SLC39A11: variants seen among roughly 807,000 people sequenced by gnomAD.
SLC39A11 encodes zinc transporter ZIP11.
In SLC39A11, 33 loss-of-function variants were observed where a neutral mutation model predicts 36.1. The ratio of observed to expected loss-of-function variants is 0.91; its 90% CI spans 0.69 to 1.22. The LOEUF is 1.22. SLC39A11 is among the 50% of genes most tolerant of loss of function. The pLI is 0.00. For missense variants in SLC39A11, 432 were observed against 430.3 expected, an observed-to-expected ratio of 1.00 and a Z score of -0.03; for synonymous variants, 166 against 170.3, an observed-to-expected ratio of 0.97 and a Z score of 0.20.
At chr17:72,801,324 AAC>A (rs199525357) in intron 6 of SLC39A11, among the ~76,000 whole-genome samples, 4,612 of 152,292 alleles carry the variant, frequency 0.03, 117 homozygotes, top group Non-Finnish European at 0.046. Flanking sequence ...GGGTTCAAGC[AAC>A]TCTCCTGCCT....
At chr17:72,956,202 C>T (rs1284857531) in intron 4 of SLC39A11, among the ~76,000 whole-genome samples, 1 of 152,220 alleles carries the variant, frequency 6.6e-6, no homozygotes, top group African/African-American at 2.4e-5. Context: ...TAATTACGAA[C>T]TTCTAGCTAT....
Position 72,645,998 on chromosome 17 carries a change from T to A in SLC39A11, c.*1586A>T, listed in dbSNP as rs1304442933. The stretch of plus-strand genomic sequence containing the variant: ...TATTAATCACAGTTATGAGGTCTTG[T>A]CCATCAGAAAGCACAATTTGCATTA... On this transcript the variant is annotated 3_prime_UTR_variant, in exon 10 of 10. Coordinates refer to ENST00000255559, the MANE Select transcript of SLC39A11 (RefSeq NM_139177.4). 1 of 152,638 alleles carries A rather than the reference T, an allele frequency of 6.6e-6. No individual in the cohort carries two copies. Among genetic ancestry groups the A allele is most frequent in the African/African-American group, 2.4e-5 (1 of 41,438 alleles). 9.5% of individuals were successfully genotyped at this position (152,638 alleles called of 1,614,324 possible).
intron 6 of SLC39A11, among the ~76,000 whole-genome samples, chr17:72,836,491 C>T (rs1432242453): frequency 6.6e-6 from 1 of 152,088 alleles, no homozygotes; most frequent in East Asian, 1.9e-4. Flanking sequence ...CAATCACGCG[C>T]CACCATACCC....
At chr17:72,833,372 T>G (rs2078369655) in intron 6 of SLC39A11, among the ~76,000 whole-genome samples, 1 of 152,234 alleles carries the variant, frequency 6.6e-6, no homozygotes, top group Admixed American at 6.5e-5. Context: ...ACTTTATCCT[T>G]ATCACAAAGC....
At chr17:72,866,306 C>T (rs1486721348) in intron 5 of SLC39A11, among the ~76,000 whole-genome samples, 1 of 152,128 alleles carries the variant, frequency 6.6e-6, no homozygotes, top group Non-Finnish European at 1.5e-5. Context: ...CTCCCATTAC[C>T]CCCAGATGGG....
intron 6 of SLC39A11, among the ~76,000 whole-genome samples, chr17:72,794,804 C>T (rs908435380): frequency 2.0e-5 from 3 of 152,054 alleles, no homozygotes; most frequent in Non-Finnish European, 4.4e-5. Context: ...TTATCTTTTG[C>T]TGTATAACAA....
At chr17:72,678,031 G>C (rs1214084167) in intron 7 of SLC39A11, among the ~76,000 whole-genome samples, 2 of 152,126 alleles carry the variant, frequency 1.3e-5, no homozygotes, top group African/African-American at 4.8e-5. Context: ...ACAGTCAAAT[G>C]CATTCATCAA....
At chr17:72,764,289 C>G (rs1266153598) in intron 6 of SLC39A11, among the ~76,000 whole-genome samples, 1 of 152,162 alleles carries the variant, frequency 6.6e-6, no homozygotes, top group African/African-American at 2.4e-5. Flanking sequence ...GTGTGCTGCT[C>G]TGTCCCTTGG....
chr17:72,738,049 G>A (rs2074508733), intron 6 of SLC39A11, among the ~76,000 whole-genome samples: 1 of 152,130 alleles, frequency 6.6e-6, no homozygotes, highest in Non-Finnish European at 1.5e-5. Flanking sequence ...CTGTCACCCA[G>A]ACTGGAGTGC....
At chr17:72,993,728 G>A (rs922479500) in intron 4 of SLC39A11, among the ~76,000 whole-genome samples, 14 of 152,140 alleles carry the variant, frequency 9.2e-5, no homozygotes, top group Non-Finnish European at 1.6e-4. Flanking sequence ...TTACCAAAAT[G>A]TTCTGCTGTT....
At chr17:72,987,041 G>A (rs907707326) in intron 4 of SLC39A11, among the ~76,000 whole-genome samples, 3 of 152,176 alleles carry the variant, frequency 2.0e-5, no homozygotes, top group Non-Finnish European at 2.9e-5. Flanking sequence ...TGGGTCACGG[G>A]AGCAGATCCC....
At chr17:72,976,228 T>C (rs2087840941) in intron 4 of SLC39A11, among the ~76,000 whole-genome samples, 1 of 146,472 alleles carries the variant, frequency 6.8e-6, no homozygotes, top group Non-Finnish European at 1.5e-5. Flanking sequence ...TGAAAATTAA[T>C]ATTTGAATTT....
At chr17:72,865,924 C>T (rs540862669) in intron 5 of SLC39A11, among the ~76,000 whole-genome samples, 4 of 152,252 alleles carry the variant, frequency 2.6e-5, no homozygotes, top group African/African-American at 7.2e-5. Context: ...ATTAGATAGT[C>T]GGATATTGGC....
chr17:73,086,464 G>A (rs1030849639), intron 2 of SLC39A11, among the ~76,000 whole-genome samples: 13 of 152,046 alleles, frequency 8.6e-5, no homozygotes, highest in Non-Finnish European at 1.8e-4. Context: ...ACGTGGATGA[G>A]CTCTATGGAC....
intron 1 of SLC39A11, among the ~76,000 whole-genome samples, chr17:73,090,061 C>A (rs548368263): frequency 6.6e-6 from 1 of 152,290 alleles, no homozygotes; most frequent in East Asian, 1.9e-4. Flanking sequence ...AGAGGGCTGG[C>A]TGGACACAAC....
At chr17:72,984,055 G>T (rs2088531241) in intron 4 of SLC39A11, among the ~76,000 whole-genome samples, 1 of 152,164 alleles carries the variant, frequency 6.6e-6, no homozygotes. Context: ...GTAGCCTCAG[G>T]TTTCTCATGG....
At chr17:72,809,891 G>A (rs947662569) in intron 6 of SLC39A11, among the ~76,000 whole-genome samples, 3 of 152,074 alleles carry the variant, frequency 2.0e-5, no homozygotes, top group East Asian at 3.9e-4. Context: ...CCAACATGAA[G>A]AAACCTCGTC....
chr17:73,062,713 G>C (rs1026499086), intron 3 of SLC39A11, among the ~76,000 whole-genome samples: 2 of 152,156 alleles, frequency 1.3e-5, no homozygotes, highest in African/African-American at 4.8e-5. Context: ...ACCAGGGACT[G>C]GTTTCGTGGA....
chr17:72,660,992 C>T (rs148075154), intron 7 of SLC39A11, among the ~76,000 whole-genome samples: 7 of 152,294 alleles, frequency 4.6e-5, no homozygotes, highest in East Asian at 1.9e-4. Flanking sequence ...AATAGCTGGA[C>T]GACAAAAACT....
Sources: allele counts gnomAD v4.1 joint callset (sites outside exome capture counted in the v4.1 genomes callset), GRCh38; gene constraint gnomAD v4.1.1; transcripts MANE v1.5; gene names NCBI Gene and HGNC (gene_info 2026-07-23, HGNC 2026-07-21).